Variants in ANKRD26 observed in about 807,000 individuals in gnomAD.
ANKRD26 encodes the protein ankyrin repeat domain 26, also known as ankyrin repeat domain-containing protein 26.
A neutral mutation model predicts 208.7 loss-of-function variants in ANKRD26; 141 were observed. The ratio of observed to expected loss-of-function variants is 0.68; its 90% CI spans 0.59 to 0.78. The LOEUF (loss-of-function observed/expected upper bound fraction) is 0.78. ANKRD26 is among the 30% of genes least tolerant of loss of function. The pLI, the probability that ANKRD26 is intolerant of heterozygous loss-of-function variation, is 0.00. For synonymous variants in ANKRD26, 636 were observed against 660.4 expected (o/e 0.96, Z 0.57); for missense variants, 1,889 against 1,938.7 (o/e 0.97, Z 0.48).
intron 15 of ANKRD26, among the ~76,000 whole-genome samples, chr10:27,054,233 A>G (rs890195353): frequency 6.6e-5 from 10 of 152,176 alleles, no homozygotes; most frequent in African/African-American, 1.9e-4. Flanking sequence ...GTCTTTATCT[A>G]TTTTACTCGA....
chr10:27,091,537 T>C (rs1487009611), intron 4 of ANKRD26, among the ~76,000 whole-genome samples: 1 of 152,198 alleles, frequency 6.6e-6, no homozygotes, highest in African/African-American at 2.4e-5. Context: ...CACCTAGGGA[T>C]AACCTAACAT....
At chr10:26,976,637 GTTTGTAGCACTTCATAT>G (rs780773884) in intron 5 of ANKRD26, among the ~76,000 whole-genome samples, 169 of 152,254 alleles carry the variant, frequency 1.1e-3, no homozygotes, top group Non-Finnish European at 2.2e-3. Context: ...AGGGCGGTTT[GTTTGTAGCACTTCATAT>G]TTTGTAGCAC....
the ANKRD26 span, among the ~76,000 whole-genome samples, chr10:26,949,624 C>T: frequency 6.6e-6 from 1 of 152,174 alleles, no homozygotes; most frequent in Non-Finnish European, 1.5e-5. Flanking sequence ...TCTGCCTCAG[C>T]CTCCCAAGTA....
chr10:26,996,177 G>C (rs1277981351), intron 4 of ANKRD26, among the ~76,000 whole-genome samples: 1 of 152,166 alleles, frequency 6.6e-6, no homozygotes, highest in African/African-American at 2.4e-5. Context: ...GCCCAGGCAT[G>C]GTGGTTCATA....
rs768732787 is a variant in ANKRD26 at position 27,038,027 on chromosome 10, C to T, written c.2403G>A (p.Lys801=). The T allele has an allele frequency of 3.5e-5, 56 of 1,610,684 alleles. No individual in the cohort carries two copies. Among genetic ancestry groups the T allele is most frequent in the Non-Finnish European group, 4.5e-5 (53 of 1,179,552 alleles). Residue 801 remains lysine (K), a synonymous_variant, in exon 22 of 34, where the codon AAG becomes AAA. Transcript: ENST00000376087. ...CATACAACGTATCAGCATTTCTTCTCTTCTCTTCTTCTTGGTTTAAGCTAA... is the reference window on the plus strand; with the variant it reads ...CATACAACGTATCAGCATTTCTTCTTTTCTCTTCTTCTTGGTTTAAGCTAA... ...LRFSLNQEEE[K]RRNADTLYEK...
chr10:27,040,306 T>C, intron 20 of ANKRD26, 128 bp from the exon 21 acceptor site: 1 of 704,450 alleles, frequency 1.4e-6, no homozygotes, highest in Admixed American at 2.5e-5. Flanking sequence ...TGGAAGACAT[T>C]AAACTAAGCT....
chr10:27,014,847 T>C (rs1475955569), intron 30 of ANKRD26, 136 bp from the exon 31 acceptor site: 4 of 696,682 alleles, frequency 5.7e-6, no homozygotes, highest in Non-Finnish European at 9.9e-6. Context: ...CAGCAGGCAT[T>C]GGTCAAAGAG....
At chr10:26,963,905 T>TTTTTTTTTTTTTG in the ANKRD26 span, among the ~76,000 whole-genome samples, 1 of 130,600 alleles carries the variant, frequency 7.7e-6, no homozygotes, top group East Asian at 2.4e-4. Flanking sequence ...GTTGGTTGGT[T>TTTTTTTTTTTTTG]TTTTTTTTTT....
rs2134776684 is a variant in ANKRD26, at chr10:27,004,824, CT to C, written c.*765del. 1 of 157,348 alleles carries C rather than the reference CT, an allele frequency of 6.4e-6. No individual in the cohort carries two copies. The highest frequency in any genetic ancestry group is 1.9e-4 in the East Asian group (1 of 5,208). The allele number at this position is 157,348 out of a possible 1,614,324, so 9.7% of individuals were successfully genotyped here. A position where few individuals can be genotyped will look rare whatever the true frequency, so the allele number is the denominator to read the frequency against. ...ACAAGCCATGGATTAGAATGGGATC[CT>C]TTTGCTATAAAGGACATTACAGAGA... On this transcript the variant is annotated 3_prime_UTR_variant, in exon 34 of 34. Coordinates refer to ENST00000376087, the MANE Select transcript of ANKRD26 (RefSeq NM_014915.3).
At position 26,978,917 on chromosome 10, in the gene ANKRD26, C is replaced by A. The variant is rs538290311; in HGVS notation, c.*281+1659G>T. ...CATACCCTCCTGTTTCAGTCCTACA[C>A]CAACTTAGAAATAAAACCAAAAGGG... On this transcript the variant is annotated intron_variant and NMD_transcript_variant, in intron 5 of 5. Transcript: ENST00000674670. 4.7e-3 allele frequency among the ~76,000 whole-genome samples: 716 copies of A among 152,160 alleles called. 3 individuals are homozygous for A. The highest frequency in any genetic ancestry group is 0.016 in the South Asian group (79 of 4,818).
chr10:27,061,841 G>A (rs985003564), intron 12 of ANKRD26: 1 of 833,068 alleles, frequency 1.2e-6, no homozygotes, highest in African/African-American at 1.9e-5. Context: ...CTGAGTGACA[G>A]GCAAACCACC....
intron 17 of ANKRD26, among the ~76,000 whole-genome samples, chr10:27,047,341 C>T (rs2054484061): frequency 6.6e-6 from 1 of 152,058 alleles, no homozygotes; most frequent in Non-Finnish European, 1.5e-5. Context: ...AAATAATGGG[C>T]TGGTCACGGA....
At position 27,078,846 on chromosome 10, in the gene ANKRD26, T is replaced by C. The variant is rs1489757517; in HGVS notation, c.813+243A>G. Among the ~76,000 whole-genome samples, 7 of 151,484 alleles carry C rather than the reference T, an allele frequency of 4.6e-5. 1 individual carries two copies. The highest frequency in any genetic ancestry group is 1.7e-4 in the African/African-American group (7 of 41,242). Reference sequence around the variant, plus strand: ...TCCTGTCACTATGTATTTTCCAGTATATTCTTTTTTTTGCAATCCCCACTC... The same window carrying C: ...TCCTGTCACTATGTATTTTCCAGTACATTCTTTTTTTTGCAATCCCCACTC... On this transcript the variant is annotated intron_variant, in intron 7 of 33. Transcript: ENST00000376087.
chr10:26,989,436 T>C (rs2052446909), downstream of ANKRD26, among the ~76,000 whole-genome samples: 1 of 152,180 alleles, frequency 6.6e-6, no homozygotes, highest in Non-Finnish European at 1.5e-5. Context: ...TCACCTTTGA[T>C]GAAAAAGACT....
chr10:27,066,336 A>G, intron 11 of ANKRD26, 151 bp downstream of exon 11: 1 of 516,174 alleles, frequency 1.9e-6, no homozygotes, highest in Non-Finnish European at 3.4e-6. Context: ...TACTTAGCAC[A>G]TACTTTATTA....
At chr10:26,969,741 G>T (rs7081476), downstream of ANKRD26, among the ~76,000 whole-genome samples, 2 of 150,634 alleles carry the variant, frequency 1.3e-5, no homozygotes, top group African/African-American at 4.9e-5. Context: ...TGTAAAATGT[G>T]GTTGCCAAAC....
At chr10:26,955,782 A>G in the ANKRD26 span, among the ~76,000 whole-genome samples, 2 of 152,304 alleles carry the variant, frequency 1.3e-5, no homozygotes, top group South Asian at 4.1e-4. Flanking sequence ...GAACATTAAG[A>G]AGGCTGTTTT....
At chr10:27,023,908 C>A (rs1420632455) in intron 28 of ANKRD26, among the ~76,000 whole-genome samples, 1 of 149,692 alleles carries the variant, frequency 6.7e-6, no homozygotes, top group Non-Finnish European at 1.5e-5. Context: ...AGTTTAATAA[C>A]ATGTATACCT....
exon 6 of ANKRD26, chr10:26,991,979 CTT>C (rs1012147816): frequency 3.3e-5 from 5 of 152,186 alleles, no homozygotes; most frequent in Admixed American, 2.0e-4. Context: ...AGAGGGATGA[CTT>C]TGAGTTCTGT....
Sources: allele counts gnomAD v4.1 joint callset (sites outside exome capture counted in the v4.1 genomes callset), GRCh38; gene constraint gnomAD v4.1.1; transcripts MANE v1.5; gene names NCBI Gene and HGNC (gene_info 2026-07-23, HGNC 2026-07-21).